The following ZFPM2 variants were observed in gnomAD, a reference collection of about 807,000 sequenced individuals.
ZFPM2 encodes zinc finger protein, FOG family member 2, also known as zinc finger protein ZFPM2.
Under a neutral mutation model 98.6 loss-of-function variants are expected in ZFPM2, and 20 were observed. The observed-to-expected ratio is 0.20, with a 90% CI of 0.14 to 0.29. The LOEUF (loss-of-function observed/expected upper bound fraction) is 0.29, where lower values mean the gene tolerates loss of function less well. Among genes scored for constraint, ZFPM2 ranks in the 10% least tolerant of loss-of-function variants. The pLI is 1.00. For missense variants in ZFPM2, 1,310 were observed against 1,388.6 expected (o/e 0.94, Z 0.90); for synonymous variants, 518 against 502.7 (o/e 1.03, Z -0.41).
intron 3 of ZFPM2, among the ~76,000 whole-genome samples, chr8:105,526,686 C>T (rs78017279): frequency 0.015 from 2,327 of 152,160 alleles, 23 homozygotes; most frequent in Middle Eastern, 0.088. Context: ...TGATGGAAAA[C>T]GAAATCTGTA....
intron 4 of ZFPM2, among the ~76,000 whole-genome samples, chr8:105,562,405 A>T (rs896323211): frequency 1.1e-4 from 17 of 152,216 alleles, no homozygotes; most frequent in African/African-American, 4.1e-4. Context: ...TCTTAATTGG[A>T]TATATAAGTT....
At chr8:105,740,843 G>T (rs1244956471) in intron 5 of ZFPM2, among the ~76,000 whole-genome samples, 1 of 151,984 alleles carries the variant, frequency 6.6e-6, no homozygotes, top group East Asian at 1.9e-4. Context: ...AAAATATGTT[G>T]TGGACAAAAA....
intron 4 of ZFPM2, among the ~76,000 whole-genome samples, chr8:105,620,828 G>T (rs1427630568): frequency 6.6e-6 from 1 of 152,094 alleles, no homozygotes; most frequent in East Asian, 1.9e-4. Flanking sequence ...GTTTGTCAAA[G>T]ATCAGATGGT....
At chr8:105,551,340 G>A (rs1034755197) in intron 3 of ZFPM2, among the ~76,000 whole-genome samples, 8 of 152,122 alleles carry the variant, frequency 5.3e-5, no homozygotes, top group Admixed American at 5.2e-4. Context: ...TGAACTCAAG[G>A]AATGAACTCA....
At position 105,318,461 on chromosome 8, in the gene ZFPM2, A is replaced by AGCG. The variant is rs1191608535; in HGVS notation, c.-468_-466dup. Among the ~76,000 whole-genome samples the AGCG allele has an allele frequency of 2.7e-5, 4 of 150,230 alleles. No homozygotes were observed. The highest frequency in any genetic ancestry group is 4.5e-5 in the Non-Finnish European group (3 of 67,412). ...GCAGAACAGGAGCTGCGCGGCCCGG[A>AGCG]GCGGCGGCGGCGGCGCCGGAGTATC... On this transcript the variant is annotated 5_prime_UTR_variant, in exon 1 of 8. Coordinates refer to ENST00000407775, the MANE Select transcript of ZFPM2 (RefSeq NM_012082.4).
intron 1 of ZFPM2, among the ~76,000 whole-genome samples, chr8:105,401,045 A>G (rs1373941644): frequency 2.0e-5 from 3 of 151,816 alleles, no homozygotes; most frequent in Non-Finnish European, 2.9e-5. Flanking sequence ...TGGTATCTTG[A>G]TAATATTTGG....
chr8:105,695,734 G>T (rs1278897051), intron 5 of ZFPM2, among the ~76,000 whole-genome samples: 1 of 152,088 alleles, frequency 6.6e-6, no homozygotes, highest in African/African-American at 2.4e-5. Flanking sequence ...ATTATGAGCA[G>T]AAAATAGGTA....
intron 3 of ZFPM2, among the ~76,000 whole-genome samples, chr8:105,513,495 A>C (rs1299222024): frequency 1.3e-5 from 2 of 152,200 alleles, no homozygotes; most frequent in Non-Finnish European, 2.9e-5. Flanking sequence ...TTAGTATCCT[A>C]GATGTAGAAA....
chr8:105,472,556 G>A (rs1297811877), intron 3 of ZFPM2, among the ~76,000 whole-genome samples: 1 of 152,132 alleles, frequency 6.6e-6, no homozygotes, highest in East Asian at 1.9e-4. Flanking sequence ...AGGCTGGAGT[G>A]CAGTGGCGTG....
At chr8:105,766,559 T>C (rs896133215) in intron 5 of ZFPM2, among the ~76,000 whole-genome samples, 2 of 151,688 alleles carry the variant, frequency 1.3e-5, no homozygotes, top group Admixed American at 6.6e-5. Context: ...CATTGAGAGG[T>C]AGAGTTGATG....
rs531648195 is a variant in ZFPM2, at chr8:105,627,302, T to G, written c.421-6944T>G. ...ATGACACTTTTGACCCATTTTGTCC[T>G]TGTCAAGTTTGTCTAGTTGTGGGCT... On this transcript the variant is annotated intron_variant, in intron 4 of 7. Coordinates refer to ENST00000407775, the MANE Select transcript of ZFPM2 (RefSeq NM_012082.4). 2.0e-5 allele frequency among the ~76,000 whole-genome samples: 3 copies of G among 152,306 alleles called. No homozygotes were observed. In the South Asian group the frequency reaches 6.2e-4, roughly 32 times the overall value.
chr8:105,619,189 CT>C (rs142667002), intron 4 of ZFPM2, among the ~76,000 whole-genome samples: 2,197 of 152,088 alleles, frequency 0.014, 50 homozygotes, highest in African/African-American at 0.049. Flanking sequence ...CATGAAAATC[CT>C]TTCTGTTAAC....
At chr8:105,625,939 T>TAC (rs1170303114) in intron 4 of ZFPM2, among the ~76,000 whole-genome samples, 2 of 150,914 alleles carry the variant, frequency 1.3e-5, no homozygotes, top group African/African-American at 4.9e-5. Flanking sequence ...ATGATTTTGT[T>TAC]TATGTAGTTT....
chr8:105,434,993 C>T (rs771023760), intron 2 of ZFPM2, among the ~76,000 whole-genome samples: 10 of 152,084 alleles, frequency 6.6e-5, no homozygotes, highest in South Asian at 2.1e-4. Context: ...TTTTGCCTGG[C>T]GAGTGGAGCC....
chr8:105,561,241 T>A, intron 3 of ZFPM2, 122 bp from the exon 4 acceptor site: 1 of 757,978 alleles, frequency 1.3e-6, no homozygotes. Context: ...CAGACAAGCA[T>A]AATTAATTCT....
intron 4 of ZFPM2, among the ~76,000 whole-genome samples, chr8:105,580,774 G>T (rs1815573436): frequency 6.7e-6 from 1 of 149,536 alleles, no homozygotes; most frequent in Non-Finnish European, 1.5e-5. Flanking sequence ...ACTAAGAATA[G>T]TAACAGTGCA....
At chr8:105,372,900 T>C (rs764097091) in intron 1 of ZFPM2, among the ~76,000 whole-genome samples, 1 of 152,098 alleles carries the variant, frequency 6.6e-6, no homozygotes, top group Non-Finnish European at 1.5e-5. Flanking sequence ...GAGTGGAATT[T>C]AATAAATGAA....
chr8:105,684,328 A>G (rs1241346307), intron 5 of ZFPM2, among the ~76,000 whole-genome samples: 3 of 152,098 alleles, frequency 2.0e-5, no homozygotes, highest in African/African-American at 4.8e-5. Flanking sequence ...AAGTATAGCC[A>G]TGTATATTTT....
chr8:105,393,718 A>C (rs1038637355), intron 1 of ZFPM2, among the ~76,000 whole-genome samples: 1 of 152,032 alleles, frequency 6.6e-6, no homozygotes, highest in Non-Finnish European at 1.5e-5. Context: ...GTGTTTATTT[A>C]CCAGAGAGTT....
Sources: allele counts gnomAD v4.1 joint callset (sites outside exome capture counted in the v4.1 genomes callset), GRCh38; gene constraint gnomAD v4.1.1; transcripts MANE v1.5; gene names NCBI Gene and HGNC (gene_info 2026-07-23, HGNC 2026-07-21).